The following ANKS1B variants were observed in gnomAD, a reference collection of about 807,000 sequenced individuals.
The protein encoded by ANKS1B is ankyrin repeat and sterile alpha motif domain containing 1B, also known as ankyrin repeat and sterile alpha motif domain-containing protein 1B.
A neutral mutation model predicts 148.3 loss-of-function variants in ANKS1B; 36 were observed. The ratio of observed to expected loss-of-function variants is 0.24; its 90% CI spans 0.19 to 0.32. ANKS1B has a LOEUF of 0.32. Among genes scored for constraint, ANKS1B ranks in the 10% least tolerant of loss-of-function variants. The pLI is 1.00. For synonymous variants in ANKS1B, 542 were observed against 560.8 expected, an observed-to-expected ratio of 0.97 and a Z score of 0.47; for missense variants, 1,157 against 1,542.6, an observed-to-expected ratio of 0.75 and a Z score of 4.19.
At chr12:99,328,445 C>T (rs2086896837) in intron 12 of ANKS1B, among the ~76,000 whole-genome samples, 1 of 151,916 alleles carries the variant, frequency 6.6e-6, no homozygotes, top group Non-Finnish European at 1.5e-5. Flanking sequence ...CTGCCCAGTG[C>T]CCACACAGGA....
chr12:98,811,777 G>A (rs1436441288), intron 19 of ANKS1B, among the ~76,000 whole-genome samples: 2 of 152,098 alleles, frequency 1.3e-5, no homozygotes, highest in African/African-American at 4.8e-5. Flanking sequence ...CTAGGTGTCT[G>A]GCTCCATGAT....
chr12:99,634,148 T>C (rs2098205466), intron 9 of ANKS1B, among the ~76,000 whole-genome samples: 1 of 152,150 alleles, frequency 6.6e-6, no homozygotes, highest in African/African-American at 2.4e-5. Context: ...AATGTGGCAG[T>C]ATTGAGAGAA....
rs1356937886 is a variant in ANKS1B, at chr12:99,772,962, A to G, written c.1088T>C (p.Ile363Thr). 1 of 1,611,580 alleles carries G rather than the reference A, an allele frequency of 6.2e-7. No homozygotes were observed. Among genetic ancestry groups the G allele is most frequent in the African/African-American group, 1.3e-5 (1 of 74,812 alleles). Residue 363 changes from isoleucine (I) to threonine (T), a missense_variant, in exon 8 of 27, where the codon ATT becomes ACT. This residue lies in a region of ANKS1B where 661 missense variants were observed against 642.1 expected (regional missense o/e 1.03). Coordinates refer to ENST00000683438, the MANE Select transcript of ANKS1B (RefSeq NM_001352186.2). The stretch of plus-strand genomic sequence containing the variant: ...ATTTTTCCCAAGTTCTTCCTCTGAA[A>G]TCTTGCTCAAATTATCTAAGTAGTG... ...SDHYLDNLSK[I>T]SEEELGKNGS...
intron 19 of ANKS1B, among the ~76,000 whole-genome samples, chr12:98,819,422 C>G (rs1000111490): frequency 6.6e-6 from 1 of 152,126 alleles, no homozygotes; most frequent in African/African-American, 2.4e-5. Context: ...GGGAAAATAT[C>G]AAATTGTCTT....
At chr12:99,040,237 GTTCTCTCTCACTCT>G (rs2099958063) in intron 17 of ANKS1B, among the ~76,000 whole-genome samples, 1 of 151,894 alleles carries the variant, frequency 6.6e-6, no homozygotes, top group South Asian at 2.1e-4. Context: ...CACCCTCTCT[GTTCTCTCTCACTCT>G]TTCTCTCTCT....
chr12:99,737,861 T>A (rs1012246398), intron 8 of ANKS1B, among the ~76,000 whole-genome samples: 12 of 152,104 alleles, frequency 7.9e-5, no homozygotes, highest in Admixed American at 2.6e-4. Flanking sequence ...CTGATCAACC[T>A]CATTGTGTCC....
chr12:98,806,034 G>C, intron 20 of ANKS1B, among the ~76,000 whole-genome samples: 1 of 152,102 alleles, frequency 6.6e-6, no homozygotes, highest in Non-Finnish European at 1.5e-5. Flanking sequence ...ACCACATCTG[G>C]CTAACTTTTG....
At chr12:99,511,816 G>C (rs2096769015) in intron 9 of ANKS1B, among the ~76,000 whole-genome samples, 1 of 151,948 alleles carries the variant, frequency 6.6e-6, no homozygotes, top group Admixed American at 6.6e-5. Flanking sequence ...ATGGAGAGAG[G>C]ATTCTCTATT....
chr12:99,722,327 C>A (rs1352151832), intron 8 of ANKS1B, among the ~76,000 whole-genome samples: 5 of 152,252 alleles, frequency 3.3e-5, no homozygotes, highest in Admixed American at 2.0e-4. Context: ...CTTCAAAGAA[C>A]AGGCTCACTG....
At chr12:98,831,017 G>C (rs556171905) in intron 18 of ANKS1B, 4 of 128,220 alleles carry the variant, frequency 3.1e-5, no homozygotes. Flanking sequence ...GTGCGATCTC[G>C]GCCCACTGCA....
At chr12:98,815,090 A>T (rs1332598641) in intron 19 of ANKS1B, among the ~76,000 whole-genome samples, 4 of 152,218 alleles carry the variant, frequency 2.6e-5, no homozygotes, top group Admixed American at 6.5e-5. Context: ...TTGATCCAGT[A>T]GTTTACAATA....
At chr12:98,745,870 T>A in intron 26 of ANKS1B, 21 bp from the exon 27 acceptor site, 1 of 1,608,934 alleles carries the variant, frequency 6.2e-7, no homozygotes, top group Non-Finnish European at 8.5e-7. Flanking sequence ...GAAAGGCTGA[T>A]GCCTGTTATA....
At chr12:98,944,122 A>G (rs1045988480) in intron 17 of ANKS1B, among the ~76,000 whole-genome samples, 2 of 152,116 alleles carry the variant, frequency 1.3e-5, no homozygotes, top group African/African-American at 4.8e-5. Context: ...CAACATGGTG[A>G]AACTCCATCT....
At chr12:99,780,262 T>G (rs2064124984) in intron 5 of ANKS1B, among the ~76,000 whole-genome samples, 1 of 152,038 alleles carries the variant, frequency 6.6e-6, no homozygotes, top group Non-Finnish European at 1.5e-5. Flanking sequence ...TTAAGATTGT[T>G]TTTCAGGACC....
At chr12:99,367,369 A>C (rs1481130571) in intron 12 of ANKS1B, among the ~76,000 whole-genome samples, 1 of 152,224 alleles carries the variant, frequency 6.6e-6, no homozygotes, top group Non-Finnish European at 1.5e-5. Flanking sequence ...GAGATTTCTT[A>C]CCTAGCAGAT....
chr12:99,590,630 G>A (rs1317374637), intron 9 of ANKS1B, among the ~76,000 whole-genome samples: 6 of 152,128 alleles, frequency 3.9e-5, no homozygotes, highest in Admixed American at 3.9e-4. Flanking sequence ...GAGGGCAAGT[G>A]CCATTTAAAA....
intron 19 of ANKS1B, among the ~76,000 whole-genome samples, chr12:98,811,734 C>T (rs1197880443): frequency 6.6e-6 from 1 of 152,154 alleles, no homozygotes; most frequent in African/African-American, 2.4e-5. Context: ...AGGGGCAGGG[C>T]AGGATTCACA....
At chr12:98,872,115 T>C (rs1346912599) in intron 17 of ANKS1B, among the ~76,000 whole-genome samples, 1 of 152,234 alleles carries the variant, frequency 6.6e-6, no homozygotes, top group Non-Finnish European at 1.5e-5. Flanking sequence ...GTTATACCAT[T>C]AGTTCAAACA....
intron 10 of ANKS1B, among the ~76,000 whole-genome samples, chr12:99,498,769 G>T (rs1384234329): frequency 1.3e-5 from 2 of 152,068 alleles, no homozygotes; most frequent in African/African-American, 4.8e-5. Context: ...GTCTCTAAAA[G>T]ACTCGTGTGC....
Sources: allele counts gnomAD v4.1 joint callset (sites outside exome capture counted in the v4.1 genomes callset), GRCh38; gene constraint gnomAD v4.1.1; regional missense constraint gnomAD v4.1.1; transcripts MANE v1.5; gene names NCBI Gene and HGNC (gene_info 2026-07-23, HGNC 2026-07-21).